TTC28: variants seen among roughly 807,000 people sequenced by gnomAD.
TTC28 encodes the protein tetratricopeptide repeat protein 28.
In TTC28, 61 loss-of-function variants were observed where a neutral mutation model predicts 198.0. That is an observed-to-expected ratio of 0.31 (90% confidence interval 0.25 to 0.38). The LOEUF (loss-of-function observed/expected upper bound fraction) is 0.38. TTC28 is among the 10% of genes least tolerant of loss of function. TTC28 has a pLI of 1.00. For missense variants in TTC28, 2,678 were observed against 3,164.0 expected (o/e 0.85, Z 3.69); for synonymous variants, 1,171 against 1,297.8 (o/e 0.90, Z 2.10).
At chr22:28,623,946 T>C (rs1451859858) in intron 2 of TTC28, among the ~76,000 whole-genome samples, 1 of 151,388 alleles carries the variant, frequency 6.6e-6, no homozygotes, top group East Asian at 1.9e-4. Context: ...AAAAGAAAGA[T>C]CTAAAGTCAA....
chr22:28,674,324 G>C (rs941183725), intron 1 of TTC28, among the ~76,000 whole-genome samples: 13 of 79,494 alleles, frequency 1.6e-4, no homozygotes, highest in Non-Finnish European at 2.8e-4. Flanking sequence ...CTTGGTTTTT[G>C]ATTGGGTTTG....
chr22:27,998,747 C>T lies in TTC28; in HGVS notation c.4912G>A (p.Val1638Ile). The T allele has an allele frequency of 6.4e-7, 1 of 1,550,754 alleles. No homozygotes were observed. The highest frequency in any genetic ancestry group is 2.4e-5 in the East Asian group (1 of 40,920). The change falls in exon 16 of 23, where the codon GTC becomes ATC. Residue 1638 changes from valine (V) to isoleucine (I), a missense_variant. By Grantham distance (29) the Val-to-Ile change is conservative (BLOSUM62 3). Transcript: ENST00000397906. The stretch of plus-strand genomic sequence containing the variant: ...AGGAAGGCCCTTGTCAGCGCGATGA[C>T]CCCGTCGGCTGTGACTTTGCTGTTG... The part of the protein sequence containing the change: ...ESNSKVTADG[V>I]IALTRAFLAA...
intron 2 of TTC28, among the ~76,000 whole-genome samples, chr22:28,553,795 G>C (rs1201826796): frequency 1.3e-5 from 2 of 152,070 alleles, no homozygotes; most frequent in Non-Finnish European, 2.9e-5. Context: ...TCCGGGAGGT[G>C]AGGGGCACCT....
intron 14 of TTC28, among the ~76,000 whole-genome samples, chr22:28,011,546 T>C (rs564901267): frequency 6.6e-6 from 1 of 152,274 alleles, no homozygotes; most frequent in African/African-American, 2.4e-5. Context: ...CAGTGAGCTA[T>C]GATCACTGCC....
chr22:28,277,007 C>T (rs2044485729), intron 5 of TTC28, among the ~76,000 whole-genome samples: 1 of 152,064 alleles, frequency 6.6e-6, no homozygotes. Context: ...AATTTAGACT[C>T]AATTACCACA....
intron 2 of TTC28, among the ~76,000 whole-genome samples, chr22:28,467,557 C>T (rs1282423702): frequency 6.6e-6 from 1 of 152,180 alleles, no homozygotes; most frequent in Non-Finnish European, 1.5e-5. Context: ...TGTTTCTAGA[C>T]TAACAATATA....
chr22:28,317,845 A>G (rs1220560308), intron 2 of TTC28, among the ~76,000 whole-genome samples: 1 of 152,150 alleles, frequency 6.6e-6, no homozygotes, highest in African/African-American at 2.4e-5. Flanking sequence ...TTAAGACCAC[A>G]GCTCCTATAG....
chr22:28,446,964 T>C (rs1287374141), intron 2 of TTC28, among the ~76,000 whole-genome samples: 1 of 152,222 alleles, frequency 6.6e-6, no homozygotes, highest in Non-Finnish European at 1.5e-5. Context: ...ACTCTGTGCC[T>C]GATTAAAATG....
chr22:28,020,147 G>A lies in TTC28; in HGVS notation c.4074-5755C>T, dbSNP rs973485695. Among the ~76,000 whole-genome samples, 4 of 152,222 alleles carry A rather than the reference G, an allele frequency of 2.6e-5. No individual in the cohort carries two copies. In the East Asian group the frequency reaches 7.7e-4, roughly 29 times the overall value. ...GTCCCTAAAGGTGGTGTGATGGTGG[G>A]TGGCCCCTCCTGGGGGCTGCGGCTC... On this transcript the variant is annotated intron_variant, in intron 13 of 22. Coordinates refer to ENST00000397906, the MANE Select transcript of TTC28 (RefSeq NM_001145418.2).
At chr22:28,405,968 C>T (rs566048805) in intron 2 of TTC28, among the ~76,000 whole-genome samples, 14 of 152,382 alleles carry the variant, frequency 9.2e-5, no homozygotes, top group African/African-American at 2.6e-4. Flanking sequence ...AGAACAGTAC[C>T]TCTGCTGCTG....
At chr22:28,354,956 G>A (rs1022933483) in intron 2 of TTC28, among the ~76,000 whole-genome samples, 2 of 147,974 alleles carry the variant, frequency 1.4e-5, no homozygotes, top group East Asian at 2.0e-4. Context: ...TATATCTCCC[G>A]ATGCTATCCC....
Position 28,660,477 on chromosome 22 carries a change from C to G in TTC28, c.102+19145G>C, listed in dbSNP as rs1369566621. On this transcript the variant is annotated intron_variant, in intron 1 of 22. Transcript: ENST00000397906. ...AGTAGCTGGGACTGCAGGCACACAC[C>G]ACCACACCCGGCTAATTTTTTGTTT... 3.3e-5 allele frequency among the ~76,000 whole-genome samples: 5 copies of G among 152,182 alleles called. No individual in the cohort carries two copies. The East Asian group carries it at 9.6e-4, about 29-fold the overall frequency.
chr22:28,258,644 TA>T lies in TTC28; in HGVS notation c.933+37553del, dbSNP rs551035489. Among the ~76,000 whole-genome samples, 148 of 152,058 alleles carry T rather than the reference TA, an allele frequency of 9.7e-4. 1 individual carries two copies. Among genetic ancestry groups the T allele is most frequent in the African/African-American group, 2.5e-3 (102 of 41,488 alleles). ...CAAATAAACGGGACAGCAACCCCAA[TA>T]AAAAATGAGTAACACTTTACAGAAG... On this transcript the variant is annotated intron_variant, in intron 5 of 22. Coordinates refer to ENST00000397906, the MANE Select transcript of TTC28 (RefSeq NM_001145418.2).
intron 1 of TTC28, among the ~76,000 whole-genome samples, chr22:28,632,253 C>CTTT (rs765447917): frequency 0.021 from 1,030 of 49,710 alleles, 176 homozygotes; most frequent in Non-Finnish European, 0.025. Flanking sequence ...TTATATTCAA[C>CTTT]TTTTTTTTTT....
intron 13 of TTC28, 102 bp from the exon 14 acceptor site, chr22:28,014,494 C>A (rs1187097985): frequency 7.3e-7 from 1 of 1,363,368 alleles, no homozygotes; most frequent in Non-Finnish European, 9.7e-7. Context: ...CAGGCTGAGG[C>A]TTCACAGCAG....
At chr22:28,170,382 G>A (rs763101205) in intron 5 of TTC28, among the ~76,000 whole-genome samples, 12 of 151,770 alleles carry the variant, frequency 7.9e-5, no homozygotes, top group Non-Finnish European at 1.3e-4. Flanking sequence ...CCACCTACTC[G>A]GGAGGCTGAG....
intron 2 of TTC28, among the ~76,000 whole-genome samples, chr22:28,392,377 G>A (rs1366385622): frequency 3.3e-5 from 5 of 152,304 alleles, no homozygotes; most frequent in African/African-American, 7.2e-5. Flanking sequence ...CACCCAGTTC[G>A]AGCTTCTGGG....
At chr22:28,553,305 C>T (rs1303180798) in intron 2 of TTC28, among the ~76,000 whole-genome samples, 3 of 149,292 alleles carry the variant, frequency 2.0e-5, no homozygotes, top group African/African-American at 2.5e-5. Flanking sequence ...AAGTGAGGAG[C>T]GTCTCTGCCC....
intron 2 of TTC28, among the ~76,000 whole-genome samples, chr22:28,386,304 A>AG (rs2046591610): frequency 8.1e-6 from 1 of 124,102 alleles, no homozygotes; most frequent in African/African-American, 2.9e-5. Flanking sequence ...AAAAAAAAAA[A>AG]AAGAAGGCTT....
Sources: allele counts gnomAD v4.1 joint callset (sites outside exome capture counted in the v4.1 genomes callset), GRCh38; gene constraint gnomAD v4.1.1; transcripts MANE v1.5; gene names NCBI Gene and HGNC (gene_info 2026-07-23, HGNC 2026-07-21).